ZNF526: variants seen among roughly 807,000 people sequenced by gnomAD.
ZNF526 encodes the protein zinc finger protein 526.
A neutral mutation model predicts 32.4 loss-of-function variants in ZNF526; 16 were observed. The observed-to-expected ratio is 0.49, with a 90% CI of 0.33 to 0.75. ZNF526 has a LOEUF of 0.75. Ranked by LOEUF, ZNF526 falls within the 30% of genes least tolerant of loss-of-function variation. ZNF526 has a pLI of 0.02. For synonymous variants in ZNF526, 355 were observed against 363.4 expected (o/e 0.98, Z 0.26); for missense variants, 838 against 920.7 (o/e 0.91, Z 1.16).
intron 1 of ZNF526, among the ~76,000 whole-genome samples, chr19:42,221,684 G>A (rs966296902): frequency 3.9e-5 from 6 of 151,912 alleles, no homozygotes; most frequent in Admixed American, 3.9e-4. Context: ...AGGCATGATG[G>A]CAGATACCTG....
Position 42,225,529 on chromosome 19 carries a change from G to T in ZNF526, c.1126G>T (p.Val376Leu). 1 of 1,612,330 alleles carries T rather than the reference G, an allele frequency of 6.2e-7. No homozygotes were observed. The highest frequency in any genetic ancestry group is 8.5e-7 in the Non-Finnish European group (1 of 1,178,514). ...GRGFGTELTL[V>L]AHRRAHTANP... ...CGGCTTTGGCACAGAACTCACGTTG[G>T]TGGCTCACCGGCGGGCCCACACTGC... Residue 376 changes from valine (V) to leucine (L), a missense_variant, in exon 3 of 3, where the codon GTG (valine) becomes TTG (leucine). Coordinates refer to ENST00000301215, the MANE Select transcript of ZNF526 (RefSeq NM_133444.3).
chr19:42,224,163 G>GA (rs543492236), intron 1 of ZNF526, 52 bp from the exon 2 acceptor site: 58,259 of 336,408 alleles, frequency 0.17, no homozygotes, highest in South Asian at 0.24. Context: ...TGTCTCAGAA[G>GA]AAAAAAAAAA....
At position 42,226,175 on chromosome 19, in the gene ZNF526, A is replaced by C. The variant is rs2146931237; in HGVS notation, c.1772A>C (p.His591Pro). ...CGCGCCATGGCGGGCTTGCGACTGC[A>C]TCAGCGGGTCCATGCCCGAGCTCGG... ...WFRAMAGLRLHQRVHARARTL... is the reference protein window; with the variant it reads ...WFRAMAGLRLPQRVHARARTL... The change falls in exon 3 of 3, where the codon CAT (histidine) becomes CCT (proline). Residue 591 changes from histidine (H) to proline (P), a missense_variant. By Grantham distance (77) the His-to-Pro change is moderately conservative. Transcript: ENST00000301215. 1 of 1,608,400 alleles carries C rather than the reference A, an allele frequency of 6.2e-7. No homozygotes were observed. The highest frequency in any genetic ancestry group is 8.5e-7 in the Non-Finnish European group (1 of 1,179,994).
In ZNF526 at chr19:42,225,267, C is replaced by T. The variant is rs772465230; in HGVS notation, c.864C>T (p.Arg288=). 6.2e-7 allele frequency: 1 copy of T among 1,613,360 alleles called. No homozygotes were observed. Among genetic ancestry groups the T allele is most frequent in the South Asian group, 1.1e-5 (1 of 91,060 alleles). The part of the protein sequence containing the change: ...CPQHQPSAGA[R]RQHRRTAHSP... ...AGCACCAGCCCTCAGCAGGGGCTCGCCGGCAACACCGGCGGACGGCTCACA... is the reference window on the plus strand; with the variant it reads ...AGCACCAGCCCTCAGCAGGGGCTCGTCGGCAACACCGGCGGACGGCTCACA... The change falls in exon 3 of 3, where the codon CGC becomes CGT. Residue 288 remains arginine (R), a synonymous_variant. Coordinates refer to ENST00000301215, the MANE Select transcript of ZNF526 (RefSeq NM_133444.3).
chr19:42,225,691 A>ACCCCAACCCC lies in ZNF526; in HGVS notation c.1292_1293insAACCCCCCCC (p.Pro432ThrfsTer41). The stretch of plus-strand genomic sequence containing the variant: ...AGCTCCCCCAGCTCCAGCGGAGCCC[A>ACCCCAACCCC]CCCCTCCACCACCACCCCCTGCCCC... On this transcript the variant is annotated frameshift_variant, in exon 3 of 3. Coordinates refer to ENST00000301215, the MANE Select transcript of ZNF526 (RefSeq NM_133444.3). LOFTEE classifies it high-confidence loss of function. 1 of 1,000,178 alleles carries ACCCCAACCCC rather than the reference A, an allele frequency of 1.0e-6. No homozygotes were observed. Among genetic ancestry groups the ACCCCAACCCC allele is most frequent in the Non-Finnish European group, 1.4e-6 (1 of 707,370 alleles). 62.0% of individuals were successfully genotyped at this position (1,000,178 alleles called of 1,614,324 possible).
Position 42,225,507 on chromosome 19 carries a change from C to G in ZNF526, c.1104C>G (p.Gly368=). 1 of 1,613,906 alleles carries G rather than the reference C, an allele frequency of 6.2e-7. No individual in the cohort carries two copies. The highest frequency in any genetic ancestry group is 1.6e-4 in the Middle Eastern group (1 of 6,062). ...ARYLCVDCGR[G]FGTELTLVAH... ...ACCTCTGTGTAGACTGTGGCCGCGG[C>G]TTTGGCACAGAACTCACGTTGGTGG... The change falls in exon 3 of 3, where the codon GGC becomes GGG. Residue 368 remains glycine (G), a synonymous_variant. Transcript: ENST00000301215.
At chr19:42,223,533 C>T (rs968920949) in intron 1 of ZNF526, among the ~76,000 whole-genome samples, 6 of 152,074 alleles carry the variant, frequency 3.9e-5, no homozygotes, top group African/African-American at 9.7e-5. Context: ...CCCAGCTACT[C>T]GGGAGGCTGA....
rs1599806442 is a variant in ZNF526 at position 42,227,384 on chromosome 19, C to A, written c.*968C>A. 1 of 167,190 alleles carries A rather than the reference C, an allele frequency of 6.0e-6. No individual in the cohort carries two copies. The highest frequency in any genetic ancestry group is 2.4e-5 in the African/African-American group (1 of 41,454). 10.4% of individuals were successfully genotyped at this position (167,190 alleles called of 1,614,324 possible). A position where few individuals can be genotyped will look rare whatever the true frequency, so the allele number is the denominator to read the frequency against. On this transcript the variant is annotated 3_prime_UTR_variant, in exon 3 of 3. Transcript: ENST00000301215. ...CATCTGACTGCCTACCTGAGGCAAG[C>A]ACCACACTTACCACTGTATGTGTAC...
chr19:42,222,462 G>C (rs774746624), intron 1 of ZNF526, among the ~76,000 whole-genome samples: 7 of 152,146 alleles, frequency 4.6e-5, no homozygotes, highest in Non-Finnish European at 7.3e-5. Context: ...AGGTGAAAAA[G>C]AGGTAAAGAA....
chr19:42,225,397 C>T lies in ZNF526; in HGVS notation c.994C>T (p.His332Tyr), dbSNP rs1207022095. The T allele has an allele frequency of 2.5e-6, 4 of 1,614,028 alleles. No individual in the cohort carries two copies. The highest frequency in any genetic ancestry group is 2.2e-5 in the East Asian group (1 of 44,880). ...TGGGCGGGCCCATGTTGGTGGCACA[C>T]ATGAGTGTACAACCTGCTCCAAGGT... is the stretch of plus-strand genomic sequence containing the variant. ...AHGRAHVGGTHECTTCSKVFK... is the reference protein window; with the variant it reads ...AHGRAHVGGTYECTTCSKVFK... The change falls in exon 3 of 3, where the codon CAT becomes TAT. Residue 332 changes from histidine to tyrosine, a missense_variant. His to Tyr is a moderately conservative substitution (Grantham distance 83). Transcript: ENST00000301215.
At chr19:42,221,612 A>G (rs1568461076) in intron 1 of ZNF526, among the ~76,000 whole-genome samples, 1 of 152,086 alleles carries the variant, frequency 6.6e-6, no homozygotes, top group Non-Finnish European at 1.5e-5. Context: ...CAGCCTGGGC[A>G]AAAAGAGAGA....
intron 1 of ZNF526, among the ~76,000 whole-genome samples, chr19:42,222,906 A>G (rs958562849): frequency 4.6e-5 from 7 of 151,832 alleles, no homozygotes; most frequent in African/African-American, 2.4e-5. Flanking sequence ...CTTAGGGTCT[A>G]AAAACAATCT....
In ZNF526 at chr19:42,223,974, AATATATATATATATAT is replaced by A. The variant is rs35211089; in HGVS notation, c.-108-227_-108-212del. 4.0e-3 allele frequency among the ~76,000 whole-genome samples: 441 copies of A among 110,618 alleles called. 6 individuals carry two copies. Among genetic ancestry groups the A allele is most frequent in the Non-Finnish European group, 6.3e-3 (339 of 53,818 alleles). 72.6% of individuals were successfully genotyped at this position (110,618 alleles called of 152,430 possible). On this transcript the variant is annotated intron_variant, in intron 1 of 2. Coordinates refer to ENST00000301215, the MANE Select transcript of ZNF526 (RefSeq NM_133444.3). The stretch of plus-strand genomic sequence containing the variant: ...CATGGTGAAACCTTGTCTCTACTAA[AATATATATATATATAT>A]ATATATATATATACAAAAATTAGCC...
chr19:42,224,471 C>T lies in ZNF526; in HGVS notation c.68C>T (p.Ser23Leu), dbSNP rs2036152733. The T allele has an allele frequency of 1.1e-5, 18 of 1,614,166 alleles. No individual in the cohort carries two copies. Among genetic ancestry groups the T allele is most frequent in the African/African-American group, 2.7e-5 (2 of 75,026 alleles). Reference protein sequence around the residue: ...TQMSPGAVEMSTPMSAEMMEM... With the variant: ...TQMSPGAVEMLTPMSAEMMEM... ...ATGTCACCAGGGGCAGTGGAGATGT[C>T]AACACCTATGTCGGCAGAGATGATG... is the stretch of plus-strand genomic sequence containing the variant. Residue 23 changes from serine to leucine, a missense_variant, in exon 3 of 3, where the codon TCA (serine) becomes TTA (leucine). Coordinates refer to ENST00000301215, the MANE Select transcript of ZNF526 (RefSeq NM_133444.3).
At chr19:42,223,361 G>T (rs1221220283) in intron 1 of ZNF526, among the ~76,000 whole-genome samples, 2 of 152,190 alleles carry the variant, frequency 1.3e-5, no homozygotes, top group East Asian at 3.8e-4. Context: ...ACAAAAATTG[G>T]CCGGGCGTGG....
chr19:42,221,083 A>G (rs1339260229), intron 1 of ZNF526, among the ~76,000 whole-genome samples: 2 of 152,192 alleles, frequency 1.3e-5, no homozygotes, highest in Non-Finnish European at 2.9e-5. Flanking sequence ...AATTTACTCA[A>G]GGAGTATGTA....
rs1599805946 is a variant in ZNF526, at chr19:42,226,490, CCT to C, written c.*77_*78del. 1 of 1,604,682 alleles carries C rather than the reference CCT, an allele frequency of 6.2e-7. No homozygotes were observed. The highest frequency in any genetic ancestry group is 2.2e-5 in the East Asian group (1 of 44,802). On this transcript the variant is annotated 3_prime_UTR_variant, in exon 3 of 3. Transcript: ENST00000301215. ...GGGTACCTCTGGGGAGAGAGGACCTCCTCTGACAAACTGGTCTGGTACCCACC... is the reference window on the plus strand; with the variant it reads ...GGGTACCTCTGGGGAGAGAGGACCTCCTGACAAACTGGTCTGGTACCCACC...
rs2036191832 is a variant in ZNF526 at position 42,227,519 on chromosome 19, G to A, written c.*1103G>A. 6.0e-6 allele frequency: 1 copy of A among 166,672 alleles called. No homozygotes were observed. The highest frequency in any genetic ancestry group is 2.4e-5 in the African/African-American group (1 of 41,442). The allele number at this position is 166,672 out of a possible 1,614,324, so 10.3% of individuals were successfully genotyped here. A position where few individuals can be genotyped will look rare whatever the true frequency, so the allele number is the denominator to read the frequency against. On this transcript the variant is annotated 3_prime_UTR_variant, in exon 3 of 3. Coordinates refer to ENST00000301215, the MANE Select transcript of ZNF526 (RefSeq NM_133444.3). ...CACGCCTGTAATCCCAGCACTTTGG[G>A]AGGCCGAGGCGGGCAGATCACGAGG...
intron 1 of ZNF526, 133 bp from the exon 2 acceptor site, chr19:42,224,082 C>G: frequency 2.9e-6 from 1 of 347,392 alleles, no homozygotes. Context: ...TAGCTTGAAC[C>G]CAGGAGCGAG....
Sources: gnomAD v4.1 joint callset for allele counts (sites outside exome capture counted in the v4.1 genomes callset) on GRCh38, gnomAD v4.1.1 for gene constraint, MANE v1.5 for transcripts, NCBI Gene and HGNC (gene_info 2026-07-23, HGNC 2026-07-21) for gene names.